The following DNAJC13 variants were observed in gnomAD, a reference collection of about 807,000 sequenced individuals.
DNAJC13 encodes the protein dnaJ homolog subfamily C member 13.
DNAJC13 carries 75 observed loss-of-function variants against 290.5 expected under a neutral mutation model. The observed-to-expected ratio is 0.26, with a 90% confidence interval of 0.21 to 0.31. The LOEUF is 0.31. Ranked by LOEUF, DNAJC13 falls within the 10% of genes least tolerant of loss-of-function variation. DNAJC13 has a pLI of 1.00. For synonymous variants in DNAJC13, 862 were observed against 892.0 expected, an observed-to-expected ratio of 0.97 and a Z score of 0.60; for missense variants, 2,260 against 2,674.5, an observed-to-expected ratio of 0.85 and a Z score of 3.42.
At chr3:132,479,554 A>G (rs1439061798) in intron 25 of DNAJC13, among the ~76,000 whole-genome samples, 1 of 152,168 alleles carries the variant, frequency 6.6e-6, no homozygotes, top group Admixed American at 6.5e-5. Flanking sequence ...AATACATTAA[A>G]ATGATTTTTA....
chr3:132,474,132 CAT>C (rs1334075035), intron 21 of DNAJC13: 2 of 152,214 alleles, frequency 1.3e-5, no homozygotes, highest in South Asian at 2.1e-4. Flanking sequence ...AAAGTCCTAA[CAT>C]ATATAGATTG....
chr3:132,499,814 G>A lies in DNAJC13; in HGVS notation c.4416+6G>A, dbSNP rs370376986. The A allele has an allele frequency of 6.8e-6, 11 of 1,611,604 alleles. No homozygotes were observed. In the African/African-American group the frequency reaches 1.2e-4, roughly 18 times the overall value. ...CAAGTGACATGTCAGTACAGGTGAG[G>A]CTAAAACCTGTGGTTCCAAGAAAAT... On this transcript the variant is annotated splice_donor_region_variant and intron_variant, in intron 38 of 55. Transcript: ENST00000260818.
chr3:132,517,169 G>A (rs555432608), intron 48 of DNAJC13, among the ~76,000 whole-genome samples: 10 of 152,290 alleles, frequency 6.6e-5, no homozygotes, highest in African/African-American at 2.2e-4. Context: ...GAAGGAGATG[G>A]TGGTTTGTGT....
intron 35 of DNAJC13, among the ~76,000 whole-genome samples, chr3:132,496,223 A>G (rs1036817011): frequency 6.6e-6 from 1 of 152,154 alleles, no homozygotes; most frequent in East Asian, 1.9e-4. Context: ...GTAGCTCATA[A>G]TTTTTGTTAT....
chr3:132,481,925 G>A (rs528497902), intron 26 of DNAJC13, among the ~76,000 whole-genome samples: 3 of 151,986 alleles, frequency 2.0e-5, no homozygotes, highest in East Asian at 1.9e-4. Flanking sequence ...TAGTGTCCTC[G>A]GTATTTATTA....
At chr3:132,496,913 G>C (rs1037791581) in intron 36 of DNAJC13, among the ~76,000 whole-genome samples, 3 of 152,122 alleles carry the variant, frequency 2.0e-5, no homozygotes, top group Non-Finnish European at 4.4e-5. Context: ...TCGCTCTGTG[G>C]AGTTACTTGG....
chr3:132,454,778 A>G (rs1227397953), intron 9 of DNAJC13, among the ~76,000 whole-genome samples: 2 of 150,894 alleles, frequency 1.3e-5, no homozygotes, highest in Non-Finnish European at 3.0e-5. Context: ...CCTGAATTCA[A>G]TGGAAAAGAA....
rs149087994 is a variant in DNAJC13, at chr3:132,457,295, T to C, written c.1376T>C (p.Val459Ala). 55 of 1,613,122 alleles carry C rather than the reference T, an allele frequency of 3.4e-5. No individual in the cohort carries two copies. In the African/African-American group the frequency reaches 6.1e-4, roughly 18 times the overall value. Reference sequence around the variant, plus strand: ...TTTCGCGAGCGTCTAGGGGTGAAGGTAGTAAAAGCACTCAAAAGAAGCAAC... The same window carrying C: ...TTTCGCGAGCGTCTAGGGGTGAAGGCAGTAAAAGCACTCAAAAGAAGCAAC... ...PKFRERLGVK[V>A]VKALKRSNNG... Residue 459 changes from valine to alanine, a missense_variant, in exon 13 of 56, where the codon GTA becomes GCA. Transcript: ENST00000260818.
chr3:132,488,300 A>T lies in DNAJC13; in HGVS notation c.3270A>T (p.Leu1090=). 1 of 1,580,310 alleles carries T rather than the reference A, an allele frequency of 6.3e-7. No homozygotes were observed. Among genetic ancestry groups the T allele is most frequent in the Non-Finnish European group, 8.6e-7 (1 of 1,168,200 alleles). The change falls in exon 30 of 56, where the codon CTA becomes CTT. Residue 1090 remains leucine (L), a splice_region_variant and synonymous_variant. Transcript: ENST00000260818. ...DSTCLPHIIQ[L]LLTFDPILVE... ...AAAACATTTTAATTTTTTTTCAGCT[A>T]CTGCTGACCTTTGACCCTATCCTTG...
chr3:132,461,346 A>C, intron 15 of DNAJC13, 141 bp downstream of exon 15: 1 of 848,322 alleles, frequency 1.2e-6, no homozygotes, highest in Non-Finnish European at 1.9e-6. Flanking sequence ...CACTGAAAGA[A>C]GAGTTGTCTT....
chr3:132,498,266 T>C (rs892259899), intron 36 of DNAJC13, among the ~76,000 whole-genome samples: 5 of 151,366 alleles, frequency 3.3e-5, no homozygotes, highest in Non-Finnish European at 7.4e-5. Flanking sequence ...ATACCAGTTA[T>C]CTTTAAGATA....
At chr3:132,422,475 C>T (rs73215985) in intron 1 of DNAJC13, among the ~76,000 whole-genome samples, 14,937 of 152,152 alleles carry the variant, frequency 0.098, 1,025 homozygotes, top group Middle Eastern at 0.23. Context: ...GCATCCTAGC[C>T]CAACCATTAC....
At chr3:132,471,644 G>A (rs1251582285) in intron 20 of DNAJC13, among the ~76,000 whole-genome samples, 9 of 132,788 alleles carry the variant, frequency 6.8e-5, no homozygotes, top group Non-Finnish European at 1.5e-4. Flanking sequence ...CATCTCAGAC[G>A]ATGGGCGGCC....
intron 42 of DNAJC13, 107 bp downstream of exon 42, chr3:132,505,522 C>T (rs1935556356): frequency 2.8e-6 from 2 of 724,382 alleles, no homozygotes; most frequent in East Asian, 5.5e-5. Context: ...ACTTTAGTGT[C>T]AGTCAGTATG....
In DNAJC13 at chr3:132,499,780, C is replaced by G. The variant is rs1018262805; in HGVS notation, c.4388C>G (p.Ala1463Gly). The G allele has an allele frequency of 1.9e-6, 3 of 1,613,966 alleles. No homozygotes were observed. Among genetic ancestry groups the G allele is most frequent in the South Asian group, 1.1e-5 (1 of 91,088 alleles). The change falls in exon 38 of 56, where the codon GCT becomes GGT. Residue 1463 changes from alanine (A) to glycine (G), a missense_variant. This residue lies in a region of DNAJC13 where 1,494 missense variants were observed against 1,693.7 expected (regional missense o/e 0.88). Transcript: ENST00000260818. ...FSRCVAVLTR[A>G]SKPSDMSVQV... Reference sequence around the variant, plus strand: ...CGCTGTGTGGCTGTCTTGACTCGTGCTAGTAAACCAAGTGACATGTCAGTA... The same window carrying G: ...CGCTGTGTGGCTGTCTTGACTCGTGGTAGTAAACCAAGTGACATGTCAGTA...
At chr3:132,525,573 A>G (rs1306954711) in intron 51 of DNAJC13, 37 bp from the exon 52 acceptor site, 4 of 1,604,256 alleles carry the variant, frequency 2.5e-6, no homozygotes, top group South Asian at 2.2e-5. Flanking sequence ...CTGTATGAGT[A>G]TTTTATAGTT....
intron 55 of DNAJC13, among the ~76,000 whole-genome samples, chr3:132,532,912 AATTATT>A (rs78689169): frequency 6.3e-5 from 9 of 141,846 alleles, no homozygotes; most frequent in Middle Eastern, 3.6e-3. Context: ...TAATTTTTGT[AATTATT>A]ATTATTATTA....
At chr3:132,525,863 G>A (rs1936238484) in intron 52 of DNAJC13, 74 bp downstream of exon 52, 1 of 1,484,030 alleles carries the variant, frequency 6.7e-7, no homozygotes, top group African/African-American at 1.4e-5. Flanking sequence ...GATATAAGTT[G>A]TAGTATTATA....
Position 132,467,210 on chromosome 3 carries a change from G to C in DNAJC13, c.2105G>C (p.Arg702Thr). 1 of 1,613,782 alleles carries C rather than the reference G, an allele frequency of 6.2e-7. No homozygotes were observed. The highest frequency in any genetic ancestry group is 8.5e-7 in the Non-Finnish European group (1 of 1,179,848). The part of the protein sequence containing the change: ...GKFNKVPEWQ[R>T]LAGKAAKEVE... Reference sequence around the variant, plus strand: ...TTTAATAAAGTTCCAGAGTGGCAAAGACTAGCTGGAAAAGCTGCTAAAGAA... The same window carrying C: ...TTTAATAAAGTTCCAGAGTGGCAAACACTAGCTGGAAAAGCTGCTAAAGAA... The change falls in exon 20 of 56, where the codon AGA becomes ACA. Residue 702 changes from arginine to threonine, a missense_variant. Around this residue, in one of 3 missense-constraint regions of DNAJC13, gnomAD observed 762 missense variants for 964.1 expected, o/e 0.79. Coordinates refer to ENST00000260818, the MANE Select transcript of DNAJC13 (RefSeq NM_015268.4).
Sources: gnomAD v4.1 joint callset for allele counts (sites outside exome capture counted in the v4.1 genomes callset) on GRCh38, gnomAD v4.1.1 for gene constraint, gnomAD v4.1.1 regional missense constraint, MANE v1.5 for transcripts, NCBI Gene and HGNC (gene_info 2026-07-23, HGNC 2026-07-21) for gene names.